The following FBXW4 variants were observed in gnomAD, a reference collection of about 807,000 sequenced individuals.
FBXW4 encodes the protein F-box and WD repeat domain containing 4, also known as F-box/WD repeat-containing protein 4.
A neutral mutation model predicts 61.8 loss-of-function variants in FBXW4; 40 were observed. That is an observed-to-expected ratio of 0.65 (90% CI 0.50 to 0.84). FBXW4 has a LOEUF of 0.84. FBXW4 is among the 40% of genes least tolerant of loss of function. The pLI, the probability that FBXW4 is intolerant of heterozygous loss-of-function variation, is 0.00. For synonymous variants in FBXW4, 311 were observed against 313.8 expected (o/e 0.99, Z 0.10); for missense variants, 672 against 753.8 (o/e 0.89, Z 1.27).
intron 1 of FBXW4, among the ~76,000 whole-genome samples, chr10:101,686,835 A>G (rs1257439024): frequency 6.6e-6 from 1 of 152,128 alleles, no homozygotes; most frequent in Non-Finnish European, 1.5e-5. Context: ...CCATTATGAT[A>G]AAGTCAAACT....
intron 5 of FBXW4, among the ~76,000 whole-genome samples, chr10:101,627,136 T>C (rs961139592): frequency 9.3e-5 from 14 of 150,404 alleles, no homozygotes; most frequent in African/African-American, 3.2e-4. Flanking sequence ...TTGATCCACC[T>C]GCCTCAGCCT....
chr10:101,629,403 C>T (rs751153139), intron 5 of FBXW4, among the ~76,000 whole-genome samples: 4 of 152,020 alleles, frequency 2.6e-5, no homozygotes, highest in Non-Finnish European at 5.9e-5. Context: ...CCTGCCTCAG[C>T]ACCCCCAGTA....
At chr10:101,683,296 G>A (rs1315939401) in intron 1 of FBXW4, among the ~76,000 whole-genome samples, 4 of 152,240 alleles carry the variant, frequency 2.6e-5, no homozygotes, top group African/African-American at 9.6e-5. Context: ...CTCCGTGGAT[G>A]TTAATGCACA....
rs1353541377 is a variant in FBXW4 at position 101,623,411 on chromosome 10, A to T, written c.1301+1334T>A. Among the ~76,000 whole-genome samples the T allele has an allele frequency of 5.3e-5, 8 of 152,316 alleles. No homozygotes were observed. The South Asian group carries it at 8.3e-4, about 16-fold the overall frequency. On this transcript the variant is annotated intron_variant, in intron 6 of 8. Transcript: ENST00000331272. The stretch of plus-strand genomic sequence containing the variant: ...AAAAACATAAATAAATATAGATTTT[A>T]AAAAAGAAAAAAAAATAGTGAAATA...
chr10:101,629,977 C>T (rs1477577292), intron 5 of FBXW4, among the ~76,000 whole-genome samples: 3 of 152,192 alleles, frequency 2.0e-5, no homozygotes. Flanking sequence ...CCAGCTGGCC[C>T]AGGCCCCAGC....
At chr10:101,664,710 C>T (rs2064281909) in intron 5 of FBXW4, among the ~76,000 whole-genome samples, 1 of 152,172 alleles carries the variant, frequency 6.6e-6, no homozygotes, top group Non-Finnish European at 1.5e-5. Context: ...TAAGCAAATG[C>T]TACACCAGGC....
At chr10:101,662,898 A>G (rs971094662) in intron 5 of FBXW4, among the ~76,000 whole-genome samples, 4 of 152,126 alleles carry the variant, frequency 2.6e-5, no homozygotes, top group African/African-American at 7.2e-5. Flanking sequence ...AGTGAGCCCA[A>G]GCCTCAATCA....
At chr10:101,648,014 C>T (rs1305431293) in intron 5 of FBXW4, among the ~76,000 whole-genome samples, 1 of 152,182 alleles carries the variant, frequency 6.6e-6, no homozygotes, top group African/African-American at 2.4e-5. Context: ...CCTATAGGTG[C>T]TCAGTGAGTT....
chr10:101,649,824 G>A (rs1008202038), intron 5 of FBXW4, among the ~76,000 whole-genome samples: 1 of 152,252 alleles, frequency 6.6e-6, no homozygotes, highest in African/African-American at 2.4e-5. Context: ...CATATGGAAA[G>A]TGAAGACACA....
chr10:101,651,192 C>G (rs2064142759), intron 5 of FBXW4, among the ~76,000 whole-genome samples: 1 of 152,162 alleles, frequency 6.6e-6, no homozygotes, highest in Admixed American at 6.5e-5. Flanking sequence ...GTCCTTCCCC[C>G]CAGGCCCCAG....
At chr10:101,658,996 G>A (rs530264493) in intron 5 of FBXW4, among the ~76,000 whole-genome samples, 22 of 151,944 alleles carry the variant, frequency 1.4e-4, no homozygotes, top group Non-Finnish European at 3.2e-4. Context: ...TCTACCATCA[G>A]GTTCCTCTTT....
chr10:101,611,313 A>T lies in FBXW4; in HGVS notation c.1682T>A (p.Val561Asp). 1 of 1,613,970 alleles carries T rather than the reference A, an allele frequency of 6.2e-7. No individual in the cohort carries two copies. The highest frequency in any genetic ancestry group is 2.2e-5 in the East Asian group (1 of 44,878). Residue 561 changes from valine (V) to aspartate (D), a missense_variant, in exon 9 of 9, where the codon GTC (valine) becomes GAC (aspartate). By Grantham distance (152) the Val-to-Asp change is radical (BLOSUM62 -3). Around this residue, in one of 5 missense-constraint regions of FBXW4, gnomAD observed 312 missense variants for 370.1 expected, o/e 0.84. Transcript: ENST00000331272. The surrounding 1 kb of genome is among the most constrained non-coding windows in gnomAD (Gnocchi z 4.9). Reference protein sequence around the residue: ...LYAALSYNLHVLDFQNP With the variant: ...LYAALSYNLHDLDFQNP Reference sequence around the variant, plus strand: ...CGGTCATGGGTTTTGAAAATCCAGGACGTGGAGGTTGTAAGACAGGGCAGC... The same window carrying T: ...CGGTCATGGGTTTTGAAAATCCAGGTCGTGGAGGTTGTAAGACAGGGCAGC...
At chr10:101,634,810 A>G (rs2063987516) in intron 5 of FBXW4, among the ~76,000 whole-genome samples, 1 of 149,490 alleles carries the variant, frequency 6.7e-6, no homozygotes. Context: ...ATAGGAAAAT[A>G]GTTTTATAAT....
Position 101,612,372 on chromosome 10 carries a change from G to C in FBXW4, c.1407C>G (p.Thr469=). The change falls in exon 7 of 9, where the codon ACC becomes ACG. Residue 469 remains threonine (T), a synonymous_variant. Transcript: ENST00000331272. The part of the protein sequence containing the change: ...PFTLLSCGYD[T]YVRYWDLRTS... Reference sequence around the variant, plus strand: ...TGCGGAGGTCCCAGTAGCGAACATAGGTGTCATAGCCACAGGACAGCAGTG... The same window carrying C: ...TGCGGAGGTCCCAGTAGCGAACATACGTGTCATAGCCACAGGACAGCAGTG... The C allele has an allele frequency of 6.3e-7, 1 of 1,593,518 alleles. No individual in the cohort carries two copies. Among genetic ancestry groups the C allele is most frequent in the East Asian group, 2.3e-5 (1 of 43,708 alleles).
intron 5 of FBXW4, among the ~76,000 whole-genome samples, chr10:101,640,675 T>TTA (rs1222985226): frequency 2.7e-5 from 4 of 149,410 alleles, no homozygotes; most frequent in Non-Finnish European, 5.9e-5. Context: ...TTTTTTTTTT[T>TTA]AAGTAGAGAT....
chr10:101,619,303 G>A (rs1420457942), intron 6 of FBXW4, among the ~76,000 whole-genome samples: 5 of 152,276 alleles, frequency 3.3e-5, no homozygotes, highest in Middle Eastern at 3.4e-3. Flanking sequence ...ACTCTTTCTC[G>A]TTTAGATAGT....
intron 5 of FBXW4, among the ~76,000 whole-genome samples, chr10:101,656,915 T>TC (rs1311908760): frequency 6.6e-6 from 1 of 152,034 alleles, no homozygotes; most frequent in East Asian, 1.9e-4. Context: ...ACCCCACCTG[T>TC]CCCCCCTACA....
intron 5 of FBXW4, among the ~76,000 whole-genome samples, chr10:101,657,082 C>T (rs2064192447): frequency 1.3e-5 from 2 of 152,174 alleles, no homozygotes; most frequent in Admixed American, 6.5e-5. Flanking sequence ...CCTCCTCCCT[C>T]CAATCCTCCC....
At chr10:101,632,040 T>C (rs796185716) in intron 5 of FBXW4, among the ~76,000 whole-genome samples, 19 of 152,290 alleles carry the variant, frequency 1.2e-4, no homozygotes, top group African/African-American at 4.6e-4. Flanking sequence ...TTAGCAACCA[T>C]GGCCCTGGTA....
Sources: gnomAD v4.1 joint callset for allele counts (sites outside exome capture counted in the v4.1 genomes callset) on GRCh38, gnomAD v4.1.1 for gene constraint, gnomAD v4.1.1 regional missense constraint, Gnocchi (gnomAD v3.1) non-coding constraint, MANE v1.5 for transcripts, NCBI Gene and HGNC (gene_info 2026-07-23, HGNC 2026-07-21) for gene names.